Variants in DYNC2H1 observed in about 807,000 individuals in gnomAD.
The protein encoded by DYNC2H1 is dynein cytoplasmic 2 heavy chain 1.
Under a neutral mutation model 570.0 loss-of-function variants are expected in DYNC2H1, and 410 were observed. That is an observed-to-expected ratio of 0.72 (90% CI 0.66 to 0.78). The LOEUF (loss-of-function observed/expected upper bound fraction) is 0.78, where lower values mean the gene tolerates loss of function less well. Ranked by LOEUF, DYNC2H1 falls within the 30% of genes least tolerant of loss-of-function variation. The pLI is 0.00. For missense variants in DYNC2H1, 4,865 were observed against 5,046.4 expected, an observed-to-expected ratio of 0.96 and a Z score of 1.09; for synonymous variants, 1,688 against 1,677.6, an observed-to-expected ratio of 1.01 and a Z score of -0.15.
rs1294168607 is a variant in DYNC2H1 at position 103,435,945 on chromosome 11, T to C, written c.12369T>C (p.Cys4123=). Reference sequence around the variant, plus strand: ...TTTTGACCCTTTTTAAATTGCAGTGTCCTCTCGCATGGCAGAGCAAGTGGG... The same window carrying C: ...TTTTGACCCTTTTTAAATTGCAGTGCCCTCTCGCATGGCAGAGCAAGTGGG... ...KLASALLNQK[C]PLAWQSKWEG... is the part of the protein sequence containing the mutation. The change falls in exon 85 of 89, where the codon TGT becomes TGC. Residue 4123 remains cysteine (C), a splice_region_variant and synonymous_variant. Coordinates refer to ENST00000375735, the MANE Select transcript of DYNC2H1 (RefSeq NM_001377.3). The C allele has an allele frequency of 3.1e-6, 5 of 1,612,238 alleles. No individual in the cohort carries two copies. Among genetic ancestry groups the C allele is most frequent in the Admixed American group, 1.7e-5 (1 of 59,804 alleles).
Position 103,174,168 on chromosome 11 carries a change from A to G in DYNC2H1, c.5672A>G (p.Asn1891Ser), listed in dbSNP as rs867330482. Residue 1891 changes from asparagine (N) to serine (S), a missense_variant and splice_region_variant, in exon 36 of 89, where the codon AAT becomes AGT. Physicochemically the swap from Asn to Ser is conservative, Grantham distance 46. Transcript: ENST00000375735. ...RQLNKSGTTQ[N>S]ANESHIVVQA... ...CTAAACAAAAGTGGCACTACACAGA[A>G]TGGTATGATTGATTATTCCAAATAC... The G allele has an allele frequency of 6.4e-7, 1 of 1,560,560 alleles. No homozygotes were observed. Among genetic ancestry groups the G allele is most frequent in the Non-Finnish European group, 8.7e-7 (1 of 1,148,980 alleles).
At chr11:103,470,391 T>C (rs1945334519) in intron 88 of DYNC2H1, among the ~76,000 whole-genome samples, 1 of 152,142 alleles carries the variant, frequency 6.6e-6, no homozygotes, top group Non-Finnish European at 1.5e-5. Flanking sequence ...ATAGAAGAGA[T>C]GACTAAAAGG....
At chr11:103,432,039 C>A (rs1020759364) in intron 84 of DYNC2H1, among the ~76,000 whole-genome samples, 1 of 152,096 alleles carries the variant, frequency 6.6e-6, no homozygotes, top group African/African-American at 2.4e-5. Flanking sequence ...ATCAGACCAG[C>A]CGCCGAGCAC....
intron 57 of DYNC2H1, 28 bp from the exon 58 acceptor site, chr11:103,222,002 C>T (rs778882124): frequency 6.3e-7 from 1 of 1,599,074 alleles, no homozygotes; most frequent in South Asian, 1.1e-5. Flanking sequence ...TATTTAGCCT[C>T]ATTTAAGGAA....
In DYNC2H1 at chr11:103,264,817, GA is replaced by G. The variant is rs1446278867; in HGVS notation, c.10695+4841del. 6.6e-6 allele frequency among the ~76,000 whole-genome samples: 1 copy of G among 152,148 alleles called. No homozygotes were observed. Among genetic ancestry groups the G allele is most frequent in the Non-Finnish European group, 1.5e-5 (1 of 68,030 alleles). ...CCTTTGAAAACCAGCACATGATAAG[GA>G]TGCCCTCTCTCACAACTCCTATTCA... On this transcript the variant is annotated intron_variant, in intron 70 of 88. Transcript: ENST00000375735. The surrounding 1 kb of genome is among the most constrained non-coding windows in gnomAD (Gnocchi z 4.8).
chr11:103,404,672 A>G (rs1310075654), intron 84 of DYNC2H1: 1 of 151,460 alleles, frequency 6.6e-6, no homozygotes, highest in Admixed American at 6.6e-5. Flanking sequence ...CAGTGGACAA[A>G]GCACCCTATC....
chr11:103,466,233 C>T (rs1945190821), intron 87 of DYNC2H1, among the ~76,000 whole-genome samples: 1 of 152,054 alleles, frequency 6.6e-6, no homozygotes, highest in South Asian at 2.1e-4. Context: ...ATTGCTCACT[C>T]ATTTAGAAAA....
chr11:103,164,743 A>G (rs1048363582), intron 30 of DYNC2H1, among the ~76,000 whole-genome samples: 19 of 152,364 alleles, frequency 1.2e-4, no homozygotes, highest in African/African-American at 4.6e-4. Context: ...TCATAATATT[A>G]GTTCCTATCC....
At chr11:103,224,278 T>G (rs562961552) in intron 59 of DYNC2H1, among the ~76,000 whole-genome samples, 7 of 152,318 alleles carry the variant, frequency 4.6e-5, no homozygotes, top group Non-Finnish European at 8.8e-5. Context: ...CAATAGGTTT[T>G]TGGGGAACAA....
intron 84 of DYNC2H1, among the ~76,000 whole-genome samples, chr11:103,423,122 C>A (rs953943226): frequency 6.6e-6 from 1 of 151,760 alleles, no homozygotes; most frequent in African/African-American, 2.4e-5. Flanking sequence ...AAGATATTGT[C>A]ATCAAAATAC....
At chr11:103,451,922 T>C (rs1165936633) in intron 85 of DYNC2H1, among the ~76,000 whole-genome samples, 2 of 152,182 alleles carry the variant, frequency 1.3e-5, no homozygotes, top group Admixed American at 6.5e-5. Context: ...TTTAATGGTA[T>C]ATATATAGAT....
chr11:103,330,758 C>G (rs1409082412), intron 82 of DYNC2H1, among the ~76,000 whole-genome samples: 1 of 151,894 alleles, frequency 6.6e-6, no homozygotes, highest in African/African-American at 2.4e-5. Context: ...TGTACTGAAA[C>G]TGGCCGGTCA....
intron 82 of DYNC2H1, among the ~76,000 whole-genome samples, chr11:103,332,518 C>G (rs1385590061): frequency 1.3e-5 from 2 of 151,902 alleles, no homozygotes; most frequent in Non-Finnish European, 2.9e-5. Flanking sequence ...AATACTGACC[C>G]TAGCAGCGGG....
At chr11:103,166,680 C>T (rs543685385) in intron 31 of DYNC2H1, among the ~76,000 whole-genome samples, 11 of 152,148 alleles carry the variant, frequency 7.2e-5, no homozygotes, top group African/African-American at 2.6e-4. Flanking sequence ...ATGAGGAATC[C>T]ACAGTCATTT....
intron 53 of DYNC2H1, 100 bp downstream of exon 53, chr11:103,210,060 G>T: frequency 2.4e-6 from 3 of 1,271,118 alleles, no homozygotes; most frequent in Non-Finnish European, 3.0e-6. Context: ...TTATAAATTT[G>T]AATAATGCTA....
intron 88 of DYNC2H1, among the ~76,000 whole-genome samples, chr11:103,476,379 G>C (rs1457853859): frequency 1.3e-5 from 2 of 152,016 alleles, no homozygotes; most frequent in East Asian, 3.8e-4. Context: ...TTATATTCTA[G>C]ATATTTGATA....
chr11:103,191,229 G>A (rs1006017785), intron 45 of DYNC2H1, among the ~76,000 whole-genome samples: 5 of 151,138 alleles, frequency 3.3e-5, no homozygotes, highest in South Asian at 2.1e-4. Context: ...TTTTAGAGAC[G>A]GGGTTTTGCC....
chr11:103,167,412 C>T (rs1861372323), intron 31 of DYNC2H1, among the ~76,000 whole-genome samples: 1 of 151,958 alleles, frequency 6.6e-6, no homozygotes, highest in Non-Finnish European at 1.5e-5. Flanking sequence ...AGATTACAGA[C>T]ATGTGTCATC....
At position 103,154,703 on chromosome 11, in the gene DYNC2H1, C is replaced by G; in HGVS notation, c.3467C>G (p.Thr1156Arg). ...NEDWITFRTK[T>R]YLFEEFLMNW... is the part of the protein sequence containing the mutation. ...TTTTTGGTATTTTATAGGACTAAGA[C>G]ATACCTGTTTGAGGAATTTTTGATG... Residue 1156 changes from threonine (T) to arginine (R), a missense_variant, in exon 24 of 89, where the codon ACA becomes AGA. Transcript: ENST00000375735. 6.4e-7 allele frequency: 1 copy of G among 1,568,902 alleles called. No homozygotes were observed. Among genetic ancestry groups the G allele is most frequent in the East Asian group, 2.3e-5 (1 of 43,198 alleles).
Sources: gnomAD v4.1 joint callset for allele counts (sites outside exome capture counted in the v4.1 genomes callset) on GRCh38, gnomAD v4.1.1 for gene constraint, Gnocchi (gnomAD v3.1) non-coding constraint, MANE v1.5 for transcripts, NCBI Gene and HGNC (gene_info 2026-07-23, HGNC 2026-07-21) for gene names.